CEP128: variants seen among roughly 807,000 people sequenced by gnomAD.
The protein encoded by CEP128 is centrosomal protein 128kDa.
In CEP128, 132 loss-of-function variants were observed where a neutral mutation model predicts 156.7. That is an observed-to-expected ratio of 0.84 (90% CI 0.73 to 0.97). CEP128 has a LOEUF of 0.97. Ranked by LOEUF, CEP128 falls within the 50% of genes least tolerant of loss-of-function variation. CEP128 has a pLI of 0.00. For missense variants in CEP128, 1,252 were observed against 1,281.9 expected, an observed-to-expected ratio of 0.98 and a Z score of 0.36; for synonymous variants, 469 against 448.9, an observed-to-expected ratio of 1.04 and a Z score of -0.57.
intron 2 of CEP128, among the ~76,000 whole-genome samples, chr14:80,921,923 A>G (rs1230213625): frequency 6.6e-6 from 1 of 151,658 alleles, no homozygotes; most frequent in East Asian, 1.9e-4. Flanking sequence ...AGATCACGCC[A>G]CTGCACTCCA....
At chr14:80,593,818 A>G (rs1892194090) in intron 19 of CEP128, among the ~76,000 whole-genome samples, 1 of 152,282 alleles carries the variant, frequency 6.6e-6, no homozygotes, top group Admixed American at 6.5e-5. Context: ...CAAGGAAATA[A>G]GAGAGGACAC....
intron 19 of CEP128, among the ~76,000 whole-genome samples, chr14:80,675,348 G>T (rs1896016589): frequency 6.6e-6 from 1 of 152,040 alleles, no homozygotes; most frequent in Admixed American, 6.6e-5. Flanking sequence ...CATACAGTAT[G>T]TGAGTATTCA....
chr14:80,833,837 G>A (rs986846709), intron 12 of CEP128, among the ~76,000 whole-genome samples: 1 of 152,158 alleles, frequency 6.6e-6, no homozygotes, highest in African/African-American at 2.4e-5. Context: ...ATATCAGGAT[G>A]TATAAATAGG....
intron 20 of CEP128, among the ~76,000 whole-genome samples, chr14:80,566,831 A>C (rs954478426): frequency 6.6e-6 from 1 of 151,750 alleles, no homozygotes; most frequent in African/African-American, 2.4e-5. Flanking sequence ...CAGCGTCTAA[A>C]ATAACACAAC....
At chr14:80,911,428 C>T (rs1156623470) in intron 4 of CEP128, among the ~76,000 whole-genome samples, 2 of 152,184 alleles carry the variant, frequency 1.3e-5, no homozygotes, top group Non-Finnish European at 2.9e-5. Context: ...ATTGCTTTAG[C>T]CCAGTAGTTC....
chr14:80,747,717 G>A (rs1899176464), intron 18 of CEP128, among the ~76,000 whole-genome samples: 2 of 152,200 alleles, frequency 1.3e-5, no homozygotes, highest in African/African-American at 4.8e-5. Context: ...TGAGGCAGGA[G>A]AATTGCTTGA....
chr14:80,841,667 A>G (rs934481788), intron 9 of CEP128, among the ~76,000 whole-genome samples: 5 of 152,006 alleles, frequency 3.3e-5, no homozygotes, highest in Non-Finnish European at 7.4e-5. Flanking sequence ...CCATTTTATT[A>G]AAGGGGAAAT....
intron 6 of CEP128, among the ~76,000 whole-genome samples, chr14:80,900,594 G>C (rs1195844482): frequency 1.3e-5 from 2 of 152,174 alleles, no homozygotes; most frequent in Non-Finnish European, 2.9e-5. Flanking sequence ...GTATGGTACA[G>C]CATTATTCAC....
intron 19 of CEP128, among the ~76,000 whole-genome samples, chr14:80,588,533 G>A (rs998220884): frequency 6.6e-6 from 1 of 151,968 alleles, no homozygotes; most frequent in African/African-American, 2.4e-5. Flanking sequence ...GACAGTAAAG[G>A]AGATACAACT....
intron 19 of CEP128, among the ~76,000 whole-genome samples, chr14:80,658,071 C>A (rs1895251096): frequency 6.6e-6 from 1 of 152,014 alleles, no homozygotes; most frequent in African/African-American, 2.4e-5. Flanking sequence ...CTAATGCTAT[C>A]ACCACAGTAA....
At chr14:80,704,922 T>C (rs184145936) in intron 19 of CEP128, among the ~76,000 whole-genome samples, 1 of 152,178 alleles carries the variant, frequency 6.6e-6, no homozygotes, top group Non-Finnish European at 1.5e-5. Flanking sequence ...ACTCCAATCA[T>C]CATCAATGCA....
At chr14:80,899,668 T>G (rs1227919631) in intron 7 of CEP128, among the ~76,000 whole-genome samples, 1 of 152,192 alleles carries the variant, frequency 6.6e-6, no homozygotes. Flanking sequence ...TCTACCTCTT[T>G]GCAAAAGTCT....
intron 21 of CEP128, among the ~76,000 whole-genome samples, chr14:80,538,932 G>A (rs192748747): frequency 1.4e-4 from 21 of 152,234 alleles, no homozygotes; most frequent in Admixed American, 3.3e-4. Context: ...ACCTATTAAT[G>A]CTTGCATTAG....
intron 13 of CEP128, among the ~76,000 whole-genome samples, chr14:80,813,645 A>AT (rs1884685888): frequency 6.6e-6 from 1 of 152,158 alleles, no homozygotes; most frequent in African/African-American, 2.4e-5. Context: ...TAAATTTGTA[A>AT]TTTTAAAACT....
intron 21 of CEP128, among the ~76,000 whole-genome samples, chr14:80,547,460 GA>G (rs1198732198): frequency 2.0e-5 from 3 of 152,170 alleles, no homozygotes; most frequent in Non-Finnish European, 2.9e-5. Flanking sequence ...CAGGACATCT[GA>G]ATTTTAGCCC....
intron 19 of CEP128, among the ~76,000 whole-genome samples, chr14:80,612,436 T>C (rs900340904): frequency 6.6e-6 from 1 of 152,080 alleles, no homozygotes; most frequent in Non-Finnish European, 1.5e-5. Context: ...TTATATAGAG[T>C]CCTTGTTTAT....
chr14:80,793,195 G>A lies in CEP128; in HGVS notation c.1210-85C>T. The stretch of plus-strand genomic sequence containing the variant: ...ATATCATCAAACAAGAATCTCTAAT[G>A]TCACTGAAGTGGAAATCATCTGTAT... On this transcript the variant is annotated intron_variant, in intron 13 of 24. Transcript: ENST00000555265. 5 of 967,092 alleles carry A rather than the reference G, an allele frequency of 5.2e-6. No homozygotes were observed. In the South Asian group the frequency reaches 8.1e-5, roughly 16 times the overall value. The allele number at this position is 967,092 out of a possible 1,614,324, so 59.9% of individuals were successfully genotyped here. A position where few individuals can be genotyped will look rare whatever the true frequency, so the allele number is the denominator to read the frequency against.
intron 19 of CEP128, among the ~76,000 whole-genome samples, chr14:80,696,139 A>G (rs1384304965): frequency 6.6e-6 from 1 of 152,210 alleles, no homozygotes; most frequent in East Asian, 1.9e-4. Context: ...AATTAGGACC[A>G]ATTAGTGACT....
intron 19 of CEP128, among the ~76,000 whole-genome samples, chr14:80,611,564 G>A (rs1595086560): frequency 6.6e-6 from 1 of 152,120 alleles, no homozygotes; most frequent in Non-Finnish European, 1.5e-5. Context: ...GGGAACTCTA[G>A]AGAGTATCAT....
Sources: gnomAD v4.1 joint callset for allele counts (sites outside exome capture counted in the v4.1 genomes callset) on GRCh38, gnomAD v4.1.1 for gene constraint, MANE v1.5 for transcripts, NCBI Gene and HGNC (gene_info 2026-07-23, HGNC 2026-07-21) for gene names.